DOCK3: variants seen among roughly 807,000 people sequenced by gnomAD.
DOCK3 encodes dedicator of cytokinesis 3.
In DOCK3, 60 loss-of-function variants were observed where a neutral mutation model predicts 265.6. That is an observed-to-expected ratio of 0.23 (90% confidence interval 0.18 to 0.28). DOCK3 has a LOEUF of 0.28. DOCK3 is among the 10% of genes least tolerant of loss of function. The pLI, the probability that DOCK3 is intolerant of heterozygous loss-of-function variation, is 1.00. For synonymous variants in DOCK3, 881 were observed against 938.0 expected, an observed-to-expected ratio of 0.94 and a Z score of 1.11; for missense variants, 1,981 against 2,594.3, an observed-to-expected ratio of 0.76 and a Z score of 5.14.
chr3:50,719,476 A>C (rs2037343960), intron 1 of DOCK3: 2 of 785,080 alleles, frequency 2.5e-6, no homozygotes, highest in African/African-American at 3.4e-5. Flanking sequence ...GCACAAGTCA[A>C]ATTTATTAGA....
At chr3:51,015,498 G>T (rs2079114666) in intron 5 of DOCK3, among the ~76,000 whole-genome samples, 1 of 149,512 alleles carries the variant, frequency 6.7e-6, no homozygotes, top group African/African-American at 2.5e-5. Context: ...ATGACAAATG[G>T]TCTTTTTAAT....
At chr3:50,880,743 C>T (rs931877457) in intron 3 of DOCK3, among the ~76,000 whole-genome samples, 3 of 152,058 alleles carry the variant, frequency 2.0e-5, no homozygotes, top group African/African-American at 2.4e-5. Context: ...TTCCAATCAA[C>T]GGAAAAAGTG....
chr3:51,340,276 A>G (rs1446789179), intron 37 of DOCK3, among the ~76,000 whole-genome samples: 1 of 152,206 alleles, frequency 6.6e-6, no homozygotes, highest in East Asian at 1.9e-4. Context: ...ATAGGCAAGG[A>G]AGAAAAAGAC....
intron 5 of DOCK3, among the ~76,000 whole-genome samples, chr3:50,980,717 T>C (rs1169112397): frequency 6.6e-6 from 1 of 152,136 alleles, no homozygotes; most frequent in East Asian, 1.9e-4. Context: ...ATTTATCAGT[T>C]TTCTGTAGGT....
At chr3:50,797,575 T>G (rs2042857161) in intron 2 of DOCK3, among the ~76,000 whole-genome samples, 1 of 152,200 alleles carries the variant, frequency 6.6e-6, no homozygotes, top group East Asian at 1.9e-4. Flanking sequence ...GAAGAGCCAC[T>G]TGTAGTATTT....
chr3:51,304,286 A>G (rs1381583981), intron 27 of DOCK3, among the ~76,000 whole-genome samples: 4 of 152,032 alleles, frequency 2.6e-5, no homozygotes. Context: ...AGCTACAGTG[A>G]TGGCTGCTGC....
rs56904827 is a variant in DOCK3, at chr3:51,372,531, C to T, written c.5294-1938C>T. 4.3e-3 allele frequency among the ~76,000 whole-genome samples: 657 copies of T among 152,320 alleles called. 5 individuals carry two copies. The highest frequency in any genetic ancestry group is 0.015 in the African/African-American group (626 of 41,576). On this transcript the variant is annotated intron_variant, in intron 49 of 52. Transcript: ENST00000266037. ...ATATCTCCATCCTAACCCCCTCACA[C>T]GGATCAGGATATTGAGTATGCAGAT...
rs540434119 is a variant in DOCK3, at chr3:51,269,463, T to A, written c.2356-1352T>A. 3.3e-5 allele frequency among the ~76,000 whole-genome samples: 5 copies of A among 152,252 alleles called. No homozygotes were observed. In the South Asian group the frequency reaches 1.0e-3, roughly 32 times the overall value. ...TACTGCAAAACAATCTCCTTGATATTCCAGGGAGTTATAAATCTGCAGATA... is the reference window on the plus strand; with the variant it reads ...TACTGCAAAACAATCTCCTTGATATACCAGGGAGTTATAAATCTGCAGATA... On this transcript the variant is annotated intron_variant, in intron 23 of 52. Transcript: ENST00000266037.
At chr3:51,048,600 C>T (rs1449429625) in intron 5 of DOCK3, among the ~76,000 whole-genome samples, 2 of 152,162 alleles carry the variant, frequency 1.3e-5, no homozygotes, top group Non-Finnish European at 2.9e-5. Flanking sequence ...TTGTTTACAT[C>T]AAACCATCAT....
chr3:50,884,013 G>C (rs537068406), intron 3 of DOCK3, among the ~76,000 whole-genome samples: 38 of 151,568 alleles, frequency 2.5e-4, no homozygotes, highest in Non-Finnish European at 4.7e-4. Flanking sequence ...CTTTCATTCA[G>C]CATAATGTTT....
intron 1 of DOCK3, among the ~76,000 whole-genome samples, chr3:50,765,590 G>C (rs1251448469): frequency 6.6e-6 from 1 of 151,774 alleles, no homozygotes; most frequent in Non-Finnish European, 1.5e-5. Flanking sequence ...CTTTCCTCCT[G>C]TTTTTATATT....
chr3:51,379,319 TC>T, intron 51 of DOCK3: 4 of 930,808 alleles, frequency 4.3e-6, no homozygotes. Context: ...CGTTTTTAGT[TC>T]CAGGTGCTGG....
At chr3:51,000,210 C>T (rs1019865565) in intron 5 of DOCK3, among the ~76,000 whole-genome samples, 4 of 152,170 alleles carry the variant, frequency 2.6e-5, no homozygotes, top group Admixed American at 1.3e-4. Flanking sequence ...TTTGCTCAGG[C>T]GACTGTGGTT....
intron 1 of DOCK3, among the ~76,000 whole-genome samples, chr3:50,705,575 C>A (rs1241796618): frequency 6.6e-6 from 1 of 152,090 alleles, no homozygotes; most frequent in Non-Finnish European, 1.5e-5. Context: ...ACCACCAGGC[C>A]CAGCTAATTT....
At chr3:51,058,774 C>T (rs2081291384) in intron 5 of DOCK3, among the ~76,000 whole-genome samples, 1 of 151,860 alleles carries the variant, frequency 6.6e-6, no homozygotes, top group East Asian at 1.9e-4. Flanking sequence ...TATGGCTTCA[C>T]ATGGGAGAAG....
chr3:51,333,351 A>T, intron 35 of DOCK3, 98 bp downstream of exon 35: 1 of 1,196,558 alleles, frequency 8.4e-7, no homozygotes, highest in Non-Finnish European at 1.2e-6. Flanking sequence ...TGTGCTCTTC[A>T]TGGGGAGGAC....
intron 9 of DOCK3, among the ~76,000 whole-genome samples, chr3:51,139,354 T>C (rs1560113660): frequency 6.6e-6 from 1 of 152,090 alleles, no homozygotes. Flanking sequence ...TCACAACATA[T>C]TTGATGCTTG....
At chr3:51,054,121 T>TAAAA (rs35733959) in intron 5 of DOCK3, among the ~76,000 whole-genome samples, 21 of 84,984 alleles carry the variant, frequency 2.5e-4, no homozygotes, top group African/African-American at 4.8e-4. Context: ...CGTAGCTTCC[T>TAAAA]AAAAAAAAAA....
intron 2 of DOCK3, among the ~76,000 whole-genome samples, chr3:50,804,068 C>T (rs1407262487): frequency 1.0e-4 from 15 of 150,726 alleles, no homozygotes; most frequent in East Asian, 5.9e-4. Context: ...GACGGGGTCG[C>T]GGCCGGGCAG....
Sources: gnomAD v4.1 joint callset for allele counts (sites outside exome capture counted in the v4.1 genomes callset) on GRCh38, gnomAD v4.1.1 for gene constraint, MANE v1.5 for transcripts, NCBI Gene and HGNC (gene_info 2026-07-23, HGNC 2026-07-21) for gene names.